The following MSL2 variants were observed in gnomAD, a reference collection of about 807,000 sequenced individuals.
The protein encoded by MSL2 is E3 ubiquitin-protein ligase MSL2.
A neutral mutation model predicts 35.8 loss-of-function variants in MSL2; 2 were observed. The ratio of observed to expected loss-of-function variants is 0.06; its 90% CI spans 0.02 to 0.18. The LOEUF (loss-of-function observed/expected upper bound fraction) is 0.18. Among genes scored for constraint, MSL2 ranks in the 10% least tolerant of loss-of-function variants. MSL2 has a pLI of 1.00. For missense variants in MSL2, 523 were observed against 706.7 expected (o/e 0.74, Z 2.95); for synonymous variants, 296 against 255.7 (o/e 1.16, Z -1.50).
At chr3:136,170,782 C>T (rs112070694) in intron 1 of MSL2, among the ~76,000 whole-genome samples, 2 of 152,040 alleles carry the variant, frequency 1.3e-5, no homozygotes, top group Non-Finnish European at 2.9e-5. Context: ...GGATTACAGG[C>T]GTGAGCCACT....
chr3:136,187,120 C>A (rs1307515603), intron 1 of MSL2, among the ~76,000 whole-genome samples: 1 of 152,150 alleles, frequency 6.6e-6, no homozygotes, highest in Non-Finnish European at 1.5e-5. Context: ...TTATCAAGTA[C>A]ATGTTATGTG....
chr3:136,190,657 T>C (rs980842356), intron 1 of MSL2, among the ~76,000 whole-genome samples: 6 of 152,220 alleles, frequency 3.9e-5, no homozygotes, highest in African/African-American at 1.4e-4. Flanking sequence ...CCTAACAGGA[T>C]TTTTGATTGT....
chr3:136,171,208 A>G (rs1940018507), intron 1 of MSL2, among the ~76,000 whole-genome samples: 1 of 152,210 alleles, frequency 6.6e-6, no homozygotes, highest in Admixed American at 6.5e-5. Flanking sequence ...CACTGTTACA[A>G]GTCAGATTCC....
chr3:136,178,105 T>C (rs977514667), intron 1 of MSL2, among the ~76,000 whole-genome samples: 1 of 152,178 alleles, frequency 6.6e-6, no homozygotes, highest in Non-Finnish European at 1.5e-5. Flanking sequence ...CCACAACATA[T>C]TCATATACTC....
At chr3:136,193,526 G>A (rs746754250) in intron 1 of MSL2, among the ~76,000 whole-genome samples, 1 of 151,718 alleles carries the variant, frequency 6.6e-6, no homozygotes, top group East Asian at 1.9e-4. Flanking sequence ...TATGGAGAAG[G>A]AAGTTATGGC....
intron 1 of MSL2, among the ~76,000 whole-genome samples, chr3:136,159,594 TCTC>T (rs1939643360): frequency 2.6e-5 from 4 of 151,164 alleles, no homozygotes; most frequent in South Asian, 4.2e-4. Context: ...ATGGTCTTGA[TCTC>T]CTGGCCTCGT....
At chr3:136,178,974 GTTTT>G (rs1940261618) in intron 1 of MSL2, among the ~76,000 whole-genome samples, 2 of 134,972 alleles carry the variant, frequency 1.5e-5, no homozygotes, top group Non-Finnish European at 3.1e-5. Flanking sequence ...TATTTTGTTG[GTTTT>G]CTTTTTTTTT....
rs148482948 is a variant in MSL2, at chr3:136,160,811, G to A, written c.143-8073C>T. On this transcript the variant is annotated intron_variant, in intron 1 of 1. Coordinates refer to ENST00000309993, the MANE Select transcript of MSL2 (RefSeq NM_018133.4). ...AAAGAAAATATATGAATGACCAGCC[G>A]GGCACAGTGGCTCACACCAGTAATC... 6.2e-3 allele frequency among the ~76,000 whole-genome samples: 950 copies of A among 152,072 alleles called. 13 individuals are homozygous for A. The highest frequency in any genetic ancestry group is 0.022 in the African/African-American group (897 of 41,490).
intron 1 of MSL2, among the ~76,000 whole-genome samples, chr3:136,161,409 G>C (rs1473565495): frequency 1.3e-5 from 2 of 152,124 alleles, no homozygotes; most frequent in African/African-American, 4.8e-5. Context: ...ACAGAAAAAC[G>C]TATGTGAATG....
At chr3:136,153,880 T>A (rs1393266342) in intron 1 of MSL2, among the ~76,000 whole-genome samples, 4 of 151,530 alleles carry the variant, frequency 2.6e-5, no homozygotes, top group Non-Finnish European at 4.4e-5. Flanking sequence ...GTCAGGACTT[T>A]GAGACTAGCC....
At chr3:136,176,648 G>A (rs970735615) in intron 1 of MSL2, among the ~76,000 whole-genome samples, 1 of 151,246 alleles carries the variant, frequency 6.6e-6, no homozygotes, top group South Asian at 2.1e-4. Flanking sequence ...AACTGAGTGA[G>A]ACCCTGTTAC....
intron 1 of MSL2, among the ~76,000 whole-genome samples, chr3:136,158,696 AT>A (rs1939605667): frequency 6.6e-6 from 1 of 152,228 alleles, no homozygotes; most frequent in African/African-American, 2.4e-5. Flanking sequence ...GGATTACACA[AT>A]TCTGCTTACA....
In MSL2 at chr3:136,195,849, G is replaced by A; in HGVS notation, c.-736C>T. ...GGGGAAGGCCGGGGAGGAAGTGCGCGGGCCGCCGCCGGCGGGCGGGAGGGG... is the reference window on the plus strand; with the variant it reads ...GGGGAAGGCCGGGGAGGAAGTGCGCAGGCCGCCGCCGGCGGGCGGGAGGGG... On this transcript the variant is annotated 5_prime_UTR_variant, in exon 1 of 2. Coordinates refer to ENST00000309993, the MANE Select transcript of MSL2 (RefSeq NM_018133.4). The A allele has an allele frequency of 1.0e-6, 1 of 983,142 alleles. No individual in the cohort carries two copies. The highest frequency in any genetic ancestry group is 4.7e-5 in the South Asian group (1 of 21,264). The allele number at this position is 983,142 out of a possible 1,614,324, so 60.9% of individuals were successfully genotyped here.
chr3:136,165,356 A>AATTT (rs1367614196), intron 1 of MSL2, among the ~76,000 whole-genome samples: 1 of 152,148 alleles, frequency 6.6e-6, no homozygotes, highest in Non-Finnish European at 1.5e-5. Context: ...TTGACCCTAA[A>AATTT]AATATTCATT....
chr3:136,193,654 T>A (rs1230139077), intron 1 of MSL2, among the ~76,000 whole-genome samples: 1 of 151,768 alleles, frequency 6.6e-6, no homozygotes, highest in Non-Finnish European at 1.5e-5. Flanking sequence ...AAACTCTTGA[T>A]ACACTTACAT....
intron 1 of MSL2, among the ~76,000 whole-genome samples, chr3:136,180,854 A>AAG (rs1940337458): frequency 1.5e-5 from 1 of 67,366 alleles, no homozygotes; most frequent in Non-Finnish European, 2.8e-5. Context: ...AGGAAGGAAA[A>AAG]AGGAGTTGGC....
In MSL2 at chr3:136,150,963, A is replaced by T; in HGVS notation, c.*184T>A. Reference sequence around the variant, plus strand: ...GTAAGAACTAAGGACATATAGTTGTAGGGTTACTCCTCCATTATCTGCAAA... The same window carrying T: ...GTAAGAACTAAGGACATATAGTTGTTGGGTTACTCCTCCATTATCTGCAAA... On this transcript the variant is annotated 3_prime_UTR_variant, in exon 2 of 2. Coordinates refer to ENST00000309993, the MANE Select transcript of MSL2 (RefSeq NM_018133.4). The T allele has an allele frequency of 1.6e-6, 1 of 623,756 alleles. No individual in the cohort carries two copies. The highest frequency in any genetic ancestry group is 2.8e-6 in the Non-Finnish European group (1 of 360,152). The allele number at this position is 623,756 out of a possible 1,614,324, so 38.6% of individuals were successfully genotyped here.
chr3:136,170,693 G>C (rs552869728), intron 1 of MSL2, among the ~76,000 whole-genome samples: 1 of 151,752 alleles, frequency 6.6e-6, no homozygotes, highest in Non-Finnish European at 1.5e-5. Flanking sequence ...ATTTTTAGTA[G>C]AGACATTCAC....
At chr3:136,164,785 G>A (rs1480912878) in intron 1 of MSL2, among the ~76,000 whole-genome samples, 1 of 152,160 alleles carries the variant, frequency 6.6e-6, no homozygotes, top group African/African-American at 2.4e-5. Context: ...AAACTGTGGA[G>A]TGTTTAAGGA....
Sources: allele counts gnomAD v4.1 joint callset (sites outside exome capture counted in the v4.1 genomes callset), GRCh38; gene constraint gnomAD v4.1.1; transcripts MANE v1.5; gene names NCBI Gene and HGNC (gene_info 2026-07-23, HGNC 2026-07-21).